The following PIK3R1 variants were observed in gnomAD, a reference collection of about 807,000 sequenced individuals.
PIK3R1 encodes phosphatidylinositol 3-kinase regulatory subunit alpha.
In PIK3R1, 29 loss-of-function variants were observed where a neutral mutation model predicts 98.0. The observed-to-expected ratio is 0.30, with a 90% CI of 0.22 to 0.40. The LOEUF is 0.40. Ranked by LOEUF, PIK3R1 falls within the 10% of genes least tolerant of loss-of-function variation. The probability of loss-of-function intolerance (pLI) is 1.00; values close to 1 mark genes in which losing one functional copy is unlikely to be tolerated. For missense variants in PIK3R1, 596 were observed against 872.7 expected, an observed-to-expected ratio of 0.68 and a Z score of 3.99; for synonymous variants, 282 against 311.8, an observed-to-expected ratio of 0.90 and a Z score of 1.01.
intron 5 of PIK3R1, chr5:68,280,233 G>A (rs1746770403): frequency 9.1e-6 from 4 of 437,714 alleles, no homozygotes; most frequent in Admixed American, 4.0e-5. Context: ...CTCTGAGTTA[G>A]CCAATCACAC....
rs114562653 is a variant in PIK3R1, at chr5:68,217,309, G to A, written c.-387+1360G>A. ...TCTGTTACGTTTTGGCAACCTTAAA[G>A]ATGGTTAGATATTAGCTAGGAAGGG... On this transcript the variant is annotated intron_variant, in intron 1 of 15. Coordinates refer to ENST00000521381, the MANE Select transcript of PIK3R1 (RefSeq NM_181523.3). Among the ~76,000 whole-genome samples the A allele has an allele frequency of 4.3e-3, 650 of 152,298 alleles. 7 individuals are homozygous for A. The highest frequency in any genetic ancestry group is 9.6e-3 in the African/African-American group (400 of 41,556).
intron 7 of PIK3R1, chr5:68,290,720 C>G (rs751183581): frequency 1.9e-6 from 3 of 1,603,582 alleles, no homozygotes; most frequent in Non-Finnish European, 2.5e-6. Context: ...CAAGGAAACT[C>G]TTGCACAAAT....
At chr5:68,229,904 T>C (rs1360757241) in intron 2 of PIK3R1, among the ~76,000 whole-genome samples, 9 of 152,256 alleles carry the variant, frequency 5.9e-5, no homozygotes. Context: ...AGCCCTGGCA[T>C]ATAGATTGAA....
chr5:68,296,687 TAGAATCTG>T (rs1237547551), intron 15 of PIK3R1, among the ~76,000 whole-genome samples: 1 of 152,098 alleles, frequency 6.6e-6, no homozygotes, highest in African/African-American at 2.4e-5. Flanking sequence ...CTACTATAGT[TAGAATCTG>T]AGGTAATTTA....
chr5:68,232,667 T>C (rs955844801), intron 2 of PIK3R1, among the ~76,000 whole-genome samples: 2 of 152,248 alleles, frequency 1.3e-5, no homozygotes, highest in Non-Finnish European at 2.9e-5. Flanking sequence ...CTCTGTCCTT[T>C]AGAATCACAG....
chr5:68,300,746 A>ACTT lies in PIK3R1; in HGVS notation c.*3146_*3148dup, dbSNP rs1019296856. 1.5e-4 allele frequency: 36 copies of ACTT among 233,182 alleles called. No homozygotes were observed. The highest frequency in any genetic ancestry group is 2.8e-4 in the Non-Finnish European group (33 of 118,012). 14.4% of individuals were successfully genotyped at this position (233,182 alleles called of 1,614,324 possible). On this transcript the variant is annotated 3_prime_UTR_variant, in exon 16 of 16. Transcript: ENST00000521381. ...CAAGCGAACGTCTAGTACAATTCTT[A>ACTT]CTTATGTGTATGGGATTTTTCCCTT... is the stretch of plus-strand genomic sequence containing the variant.
chr5:68,265,944 C>T (rs896624258), intron 2 of PIK3R1, among the ~76,000 whole-genome samples: 8 of 152,150 alleles, frequency 5.3e-5, no homozygotes, highest in Non-Finnish European at 1.0e-4. Flanking sequence ...GCTTTTTTCT[C>T]CTTATTTCCA....
chr5:68,232,280 ACTTT>A (rs1744506374), intron 2 of PIK3R1, among the ~76,000 whole-genome samples: 1 of 152,212 alleles, frequency 6.6e-6, no homozygotes, highest in Non-Finnish European at 1.5e-5. Context: ...TTTTCTGTTA[ACTTT>A]GTTTCCCTAA....
intron 2 of PIK3R1, among the ~76,000 whole-genome samples, chr5:68,246,831 C>T (rs1745112874): frequency 1.3e-5 from 2 of 151,996 alleles, no homozygotes; most frequent in African/African-American, 4.8e-5. Context: ...CTTTACAAAT[C>T]CAAAATTGCA....
intron 15 of PIK3R1, 80 bp from the exon 16 acceptor site, chr5:68,297,332 C>T: frequency 8.3e-7 from 1 of 1,212,082 alleles, no homozygotes. Flanking sequence ...CACAATAATG[C>T]TTTTTATTAA....
At chr5:68,221,874 G>A (rs1744103696) in intron 1 of PIK3R1, among the ~76,000 whole-genome samples, 1 of 152,236 alleles carries the variant, frequency 6.6e-6, no homozygotes, top group African/African-American at 2.4e-5. Flanking sequence ...ATTGCAGGCA[G>A]TCATTAGAAG....
intron 4 of PIK3R1, among the ~76,000 whole-genome samples, chr5:68,276,707 A>T (rs1049440762): frequency 6.6e-6 from 1 of 152,226 alleles, no homozygotes; most frequent in African/African-American, 2.4e-5. Context: ...GCTCTAGTAG[A>T]ATTTGACATA....
chr5:68,236,313 G>A (rs1419123621), intron 2 of PIK3R1, among the ~76,000 whole-genome samples: 1 of 150,494 alleles, frequency 6.6e-6, no homozygotes, highest in Non-Finnish European at 1.5e-5. Flanking sequence ...GCAGTGGCAC[G>A]ATCTCGGCTC....
intron 1 of PIK3R1, among the ~76,000 whole-genome samples, chr5:68,224,659 T>C (rs991508720): frequency 1.3e-5 from 2 of 152,262 alleles, no homozygotes; most frequent in African/African-American, 2.4e-5. Flanking sequence ...TTAAAACTTA[T>C]AAAAGCTCTC....
At chr5:68,255,965 T>C (rs1745499870) in intron 2 of PIK3R1, among the ~76,000 whole-genome samples, 1 of 152,236 alleles carries the variant, frequency 6.6e-6, no homozygotes, top group African/African-American at 2.4e-5. Flanking sequence ...TTTTATTCTT[T>C]CTACTGAAGC....
intron 2 of PIK3R1, 95 bp from the exon 3 acceptor site, chr5:68,273,295 C>T (rs1746437785): frequency 7.8e-6 from 9 of 1,158,272 alleles, no homozygotes; most frequent in Non-Finnish European, 1.2e-5. Context: ...TTGCTCGGGC[C>T]TGATGTAATT....
intron 2 of PIK3R1, among the ~76,000 whole-genome samples, chr5:68,263,392 A>G (rs1745990741): frequency 6.6e-6 from 1 of 151,686 alleles, no homozygotes; most frequent in Non-Finnish European, 1.5e-5. Context: ...TTGAGAATGT[A>G]GTGATAGGGT....
intron 7 of PIK3R1, chr5:68,288,615 T>G: frequency 6.4e-7 from 1 of 1,571,602 alleles, no homozygotes; most frequent in Middle Eastern, 1.7e-4. Context: ...ACACGAGCAC[T>G]GCCTGCCGGG....
chr5:68,296,235 G>A lies in PIK3R1; in HGVS notation c.1879G>A (p.Gly627Arg). The change falls in exon 15 of 16, where the codon GGA becomes AGA. Residue 627 changes from glycine to arginine, a missense_variant. Coordinates refer to ENST00000521381, the MANE Select transcript of PIK3R1 (RefSeq NM_181523.3). ...PHHDEKTWNV[G>R]SSNRNKAENL... ...TCATGATGAGAAGACATGGAATGTT[G>A]GAAGCAGCAACCGAAACAAAGCTGA... 1 of 1,614,186 alleles carries A rather than the reference G, an allele frequency of 6.2e-7. No homozygotes were observed. The highest frequency in any genetic ancestry group is 1.3e-5 in the African/African-American group (1 of 75,042).
Sources: gnomAD v4.1 joint callset for allele counts (sites outside exome capture counted in the v4.1 genomes callset) on GRCh38, gnomAD v4.1.1 for gene constraint, MANE v1.5 for transcripts, NCBI Gene and HGNC (gene_info 2026-07-23, HGNC 2026-07-21) for gene names.